The following ITGA9 variants were observed in gnomAD, a reference collection of about 807,000 sequenced individuals.
ITGA9 encodes the protein integrin subunit alpha 9, also known as integrin alpha-9.
In ITGA9, 56 loss-of-function variants were observed where a neutral mutation model predicts 127.8. That is an observed-to-expected ratio of 0.44 (90% CI 0.35 to 0.55). ITGA9 has a LOEUF of 0.55. Ranked by LOEUF, ITGA9 falls within the 20% of genes least tolerant of loss-of-function variation. ITGA9 has a pLI of 0.00. For synonymous variants in ITGA9, 508 were observed against 514.5 expected (o/e 0.99, Z 0.17); for missense variants, 1,196 against 1,347.1 (o/e 0.89, Z 1.76).
At chr3:37,549,434 G>A (rs762226074) in intron 15 of ITGA9, among the ~76,000 whole-genome samples, 34 of 152,156 alleles carry the variant, frequency 2.2e-4, no homozygotes, top group Admixed American at 2.0e-3. Context: ...AGTGGTTATC[G>A]TAAGCTTATT....
intron 17 of ITGA9, among the ~76,000 whole-genome samples, chr3:37,663,978 A>T (rs1700561413): frequency 6.6e-6 from 1 of 152,212 alleles, no homozygotes; most frequent in Non-Finnish European, 1.5e-5. Context: ...TTATTATTTC[A>T]TTTAATCCTC....
intron 16 of ITGA9, among the ~76,000 whole-genome samples, chr3:37,642,085 G>A (rs145003635): frequency 2.6e-5 from 4 of 152,046 alleles, no homozygotes; most frequent in South Asian, 2.1e-4. Context: ...CCACTGGTGT[G>A]TGCCACCACG....
At chr3:37,530,155 G>A (rs1356838681) in intron 13 of ITGA9, among the ~76,000 whole-genome samples, 1 of 152,206 alleles carries the variant, frequency 6.6e-6, no homozygotes, top group Admixed American at 6.5e-5. Flanking sequence ...TGTCTGAGGG[G>A]CCAGCAGGCT....
chr3:37,541,303 A>AT (rs1202064665), intron 14 of ITGA9, among the ~76,000 whole-genome samples: 2 of 152,186 alleles, frequency 1.3e-5, no homozygotes, highest in African/African-American at 4.8e-5. Context: ...AGGGACAGAG[A>AT]TTCCTGTTCT....
Position 37,533,312 on chromosome 3 carries a change from A to G in ITGA9, c.1374-2A>G. The G allele has an allele frequency of 6.2e-7, 1 of 1,614,068 alleles. No individual in the cohort carries two copies. Among genetic ancestry groups the G allele is most frequent in the East Asian group, 2.2e-5 (1 of 44,888 alleles). ...AAGTCACCTTCCTCTCTTGCCCTGC[A>G]GAGCAAGGCCTGTCATTACGGTGGA... On this transcript the variant is annotated splice_acceptor_variant, in intron 13 of 27. Transcript: ENST00000264741. LOFTEE classifies it high-confidence loss of function.
In ITGA9 at chr3:37,542,558, G is replaced by A. The variant is rs17827605; in HGVS notation, c.1662G>A (p.Thr554=). 0.014 allele frequency: 23,299 copies of A among 1,614,124 alleles called. 229 individuals carry two copies. The highest frequency in any genetic ancestry group is 0.018 in the Non-Finnish European group (20,720 of 1,179,990). ...TGCAGCTGACTTACATGGAGGAGAC[G>A]TGTCGTCACTATGTGGCCCATGTGA... is the stretch of plus-strand genomic sequence containing the variant. The part of the protein sequence containing the change: ...EKLQLTYMEE[T]CRHYVAHVKR... The change falls in exon 15 of 28, where the codon ACG becomes ACA. Residue 554 remains threonine (T), a synonymous_variant. Transcript: ENST00000264741.
intron 18 of ITGA9, among the ~76,000 whole-genome samples, chr3:37,703,125 C>A (rs1017506169): frequency 3.9e-5 from 6 of 152,038 alleles, no homozygotes; most frequent in Non-Finnish European, 8.8e-5. Flanking sequence ...ACAGACAGGT[C>A]CCCCCCTTTT....
At chr3:37,542,663 A>G (rs1271101759) in intron 15 of ITGA9, 78 bp downstream of exon 15, 7 of 1,428,420 alleles carry the variant, frequency 4.9e-6, no homozygotes, top group Admixed American at 3.7e-5. Context: ...AACTATTTTT[A>G]TTATGTATTA....
intron 25 of ITGA9, among the ~76,000 whole-genome samples, chr3:37,781,347 T>A (rs1244516706): frequency 2.0e-5 from 3 of 152,222 alleles, no homozygotes; most frequent in African/African-American, 7.2e-5. Context: ...GCCATTGTAT[T>A]GTGAAAGCAG....
intron 25 of ITGA9, 86 bp from the exon 26 acceptor site, chr3:37,784,891 G>A (rs959111845): frequency 1.4e-5 from 16 of 1,136,014 alleles, no homozygotes; most frequent in Admixed American, 7.3e-5. Context: ...ATGGAATCAT[G>A]GAATTTCAGT....
intron 14 of ITGA9, among the ~76,000 whole-genome samples, chr3:37,538,564 G>C (rs889164479): frequency 6.6e-6 from 1 of 152,206 alleles, no homozygotes; most frequent in Non-Finnish European, 1.5e-5. Flanking sequence ...CCTCATGGCC[G>C]GCTGTGGGCA....
At chr3:37,646,730 A>G (rs1700381756) in intron 16 of ITGA9, among the ~76,000 whole-genome samples, 1 of 152,170 alleles carries the variant, frequency 6.6e-6, no homozygotes, top group African/African-American at 2.4e-5. Flanking sequence ...GATTTGTCTG[A>G]TTGAAGCAGC....
At chr3:37,479,461 C>T (rs548626859) in intron 3 of ITGA9, among the ~76,000 whole-genome samples, 20 of 152,326 alleles carry the variant, frequency 1.3e-4, no homozygotes, top group African/African-American at 4.3e-4. Context: ...AGAGAGTGGC[C>T]TTGTCCAGGG....
rs1043295121 is a variant in ITGA9 at position 37,473,430 on chromosome 3, C to T, written c.390C>T (p.Ala130=). The part of the protein sequence containing the change: ...RDDEWMGVSL[A]RQPKADGRVL... ...ATGAGTGGATGGGGGTGAGCCTGGC[C>T]CGACAGCCCAAGGCTGATGGCCGTG... Residue 130 remains alanine, a synonymous_variant, in exon 3 of 28, where the codon GCC becomes GCT. Transcript: ENST00000264741. 3.1e-6 allele frequency: 5 copies of T among 1,613,868 alleles called. No individual in the cohort carries two copies. The African/African-American group carries it at 4.0e-5, about 13-fold the overall frequency.
chr3:37,801,732 C>T (rs924765761), intron 26 of ITGA9, among the ~76,000 whole-genome samples: 2 of 152,194 alleles, frequency 1.3e-5, no homozygotes, highest in Non-Finnish European at 2.9e-5. Flanking sequence ...TTGTCAAGGG[C>T]GGACTCTGTG....
At chr3:37,617,668 A>G (rs971387772) in intron 15 of ITGA9, among the ~76,000 whole-genome samples, 69 of 152,072 alleles carry the variant, frequency 4.5e-4, no homozygotes, top group African/African-American at 1.6e-3. Flanking sequence ...GTTTCTTTTT[A>G]TTCTTTTTTC....
intron 18 of ITGA9, 115 bp from the exon 19 acceptor site, chr3:37,732,597 C>A: frequency 1.3e-6 from 1 of 787,284 alleles, no homozygotes; most frequent in South Asian, 1.5e-5. Context: ...CATCTCGTCC[C>A]ACTGGTGCCT....
chr3:37,700,387 T>C (rs1001943338), intron 18 of ITGA9, among the ~76,000 whole-genome samples: 4 of 152,122 alleles, frequency 2.6e-5, no homozygotes, highest in African/African-American at 9.7e-5. Context: ...AAGGTCTCAC[T>C]CTGTTGCCCA....
intron 15 of ITGA9, among the ~76,000 whole-genome samples, chr3:37,623,115 TC>T (rs1700142991): frequency 6.6e-6 from 1 of 152,082 alleles, no homozygotes; most frequent in Non-Finnish European, 1.5e-5. Context: ...GCAAACAACT[TC>T]TGGGTCACTG....
Sources: allele counts gnomAD v4.1 joint callset (sites outside exome capture counted in the v4.1 genomes callset), GRCh38; gene constraint gnomAD v4.1.1; transcripts MANE v1.5; gene names NCBI Gene and HGNC (gene_info 2026-07-23, HGNC 2026-07-21).